The following GLI2 variants were observed in gnomAD, a reference collection of about 807,000 sequenced individuals.
The protein encoded by GLI2 is transcription activator GLI2.
A neutral mutation model predicts 78.9 loss-of-function variants in GLI2; 22 were observed. That is an observed-to-expected ratio of 0.28 (90% CI 0.20 to 0.40). The LOEUF is 0.40. GLI2 is among the 10% of genes least tolerant of loss of function. The pLI is 1.00. For missense variants in GLI2, 2,097 were observed against 2,213.2 expected, an observed-to-expected ratio of 0.95 and a Z score of 1.05; for synonymous variants, 974 against 963.7, an observed-to-expected ratio of 1.01 and a Z score of -0.20.
intron 1 of GLI2, among the ~76,000 whole-genome samples, chr2:120,768,586 C>T (rs1683435465): frequency 6.6e-6 from 1 of 152,224 alleles, no homozygotes; most frequent in Non-Finnish European, 1.5e-5. Context: ...CACTCTGCGA[C>T]CCTCTGAGCT....
chr2:120,924,081 C>A (rs1413235097), intron 2 of GLI2, among the ~76,000 whole-genome samples: 2 of 152,026 alleles, frequency 1.3e-5, no homozygotes, highest in Non-Finnish European at 2.9e-5. Context: ...CATTAGGAGA[C>A]CCCCCCTCAG....
At chr2:120,816,192 C>CTT (rs3053837) in intron 2 of GLI2, among the ~76,000 whole-genome samples, 4,424 of 134,854 alleles carry the variant, frequency 0.033, 169 homozygotes, top group South Asian at 0.055. Flanking sequence ...CCCCAAAGAG[C>CTT]TTTTTTTTTT....
intron 5 of GLI2, 101 bp downstream of exon 5, chr2:120,955,531 G>A: frequency 2.5e-6 from 2 of 793,630 alleles, no homozygotes; most frequent in South Asian, 3.6e-5. Context: ...GACCCTTAAG[G>A]AGAGGTCGGG....
At chr2:120,779,410 G>A (rs899515629) in intron 1 of GLI2, among the ~76,000 whole-genome samples, 1 of 152,198 alleles carries the variant, frequency 6.6e-6, no homozygotes, top group Non-Finnish European at 1.5e-5. Context: ...GGCCTAACAG[G>A]CAACTGAGGA....
At chr2:120,740,437 TA>T (rs5833850) in intron 1 of GLI2, among the ~76,000 whole-genome samples, 1,795 of 147,600 alleles carry the variant, frequency 0.012, 37 homozygotes, top group African/African-American at 0.038. Flanking sequence ...GTGTGTTGTT[TA>T]AAAAAAAAAA....
intron 2 of GLI2, among the ~76,000 whole-genome samples, chr2:120,820,704 T>A (rs933255453): frequency 4.6e-5 from 7 of 152,200 alleles, no homozygotes; most frequent in Non-Finnish European, 8.8e-5. Context: ...TGGCAAAAAC[T>A]TCAGTGGAGA....
At chr2:120,794,966 CCAGGAGCTGA>C (rs1573386127) in intron 1 of GLI2, among the ~76,000 whole-genome samples, 3 of 152,138 alleles carry the variant, frequency 2.0e-5, no homozygotes, top group East Asian at 3.9e-4. Context: ...TGCAGATGAG[CCAGGAGCTGA>C]CAGGAGCTGT....
intron 1 of GLI2, among the ~76,000 whole-genome samples, chr2:120,756,577 T>C (rs973965547): frequency 2.0e-5 from 3 of 152,272 alleles, no homozygotes; most frequent in African/African-American, 4.8e-5. Context: ...CTTATTCTTA[T>C]CTTGTTTTTG....
rs141253111 is a variant in GLI2 at position 120,898,695 on chromosome 2, C to T, written c.149-28666C>T. Among the ~76,000 whole-genome samples the T allele has an allele frequency of 3.3e-3, 505 of 152,308 alleles. 5 individuals carry two copies. Among genetic ancestry groups the T allele is most frequent in the African/African-American group, 0.011 (475 of 41,556 alleles). ...TTGGTTTCTAGTCTCCTCTGGATGACATCACCAATCTGAAGTCCCTTGCTT... is the reference window on the plus strand; with the variant it reads ...TTGGTTTCTAGTCTCCTCTGGATGATATCACCAATCTGAAGTCCCTTGCTT... On this transcript the variant is annotated intron_variant, in intron 2 of 13. Transcript: ENST00000361492.
At chr2:120,807,093 CA>C (rs1684991278) in intron 2 of GLI2, among the ~76,000 whole-genome samples, 1 of 152,124 alleles carries the variant, frequency 6.6e-6, no homozygotes, top group South Asian at 2.1e-4. Flanking sequence ...GCACTCAGAT[CA>C]GGGGGCTGGG....
chr2:120,918,830 A>G (rs1249331375), intron 2 of GLI2, among the ~76,000 whole-genome samples: 3 of 152,218 alleles, frequency 2.0e-5, no homozygotes, highest in Non-Finnish European at 4.4e-5. Context: ...ATTACTTGCT[A>G]GCGAATGACA....
At chr2:120,938,859 G>A (rs1024991614) in intron 3 of GLI2, among the ~76,000 whole-genome samples, 5 of 152,114 alleles carry the variant, frequency 3.3e-5, no homozygotes, top group Admixed American at 1.3e-4. Context: ...CCCCACCAGC[G>A]CCAGCCCTGT....
rs777267988 is a variant in GLI2 at position 120,989,231 on chromosome 2, G to A, written c.3266G>A (p.Gly1089Asp). ...AGACTACCCAGCCCGGGGCTGCACG[G>A]CCAGCGCAGGATGGTGGCTGCGGAC... ...NPRLPSPGLHGQRRMVAADSN... is the reference protein window; with the variant it reads ...NPRLPSPGLHDQRRMVAADSN... The change falls in exon 14 of 14, where the codon GGC becomes GAC. Residue 1089 changes from glycine to aspartate, a missense_variant. Coordinates refer to ENST00000361492, the MANE Select transcript of GLI2 (RefSeq NM_001374353.1). The A allele has an allele frequency of 8.1e-6, 13 of 1,613,176 alleles. No homozygotes were observed. The highest frequency in any genetic ancestry group is 1.3e-5 in the African/African-American group (1 of 75,070).
At chr2:120,967,141 A>G (rs1681896191) in intron 5 of GLI2, among the ~76,000 whole-genome samples, 3 of 152,200 alleles carry the variant, frequency 2.0e-5, no homozygotes, top group Admixed American at 2.0e-4. Flanking sequence ...TTTATGGGCA[A>G]CACCACCAGC....
At chr2:120,863,152 G>A (rs1381903779) in intron 2 of GLI2, among the ~76,000 whole-genome samples, 1 of 152,204 alleles carries the variant, frequency 6.6e-6, no homozygotes, top group Middle Eastern at 3.2e-3. Flanking sequence ...ACCAATGAGA[G>A]GACAACATGC....
chr2:120,851,619 G>A (rs1230674618), intron 2 of GLI2, among the ~76,000 whole-genome samples: 2 of 152,236 alleles, frequency 1.3e-5, no homozygotes, highest in Non-Finnish European at 2.9e-5. Flanking sequence ...GTAGCTCCAG[G>A]CAGACTGAAA....
chr2:120,861,989 C>A (rs990538608), intron 2 of GLI2, among the ~76,000 whole-genome samples: 1 of 152,156 alleles, frequency 6.6e-6, no homozygotes, highest in African/African-American at 2.4e-5. Flanking sequence ...GTGAACCACC[C>A]CAGATGGGGA....
In GLI2 at chr2:120,991,242, C is replaced by G. The variant is rs1683283899; in HGVS notation, c.*567C>G. The G allele has an allele frequency of 1.3e-5, 2 of 153,116 alleles. No homozygotes were observed. The highest frequency in any genetic ancestry group is 2.9e-5 in the Non-Finnish European group (2 of 68,740). The allele number at this position is 153,116 out of a possible 1,614,324, so 9.5% of individuals were successfully genotyped here. On this transcript the variant is annotated 3_prime_UTR_variant, in exon 14 of 14. Coordinates refer to ENST00000361492, the MANE Select transcript of GLI2 (RefSeq NM_001374353.1). ...ATTATACCTGGATGATTCAGGAGCA[C>G]ATTCTGATTCCAGGTTTGGTAGAGC...
chr2:120,988,896 C>A lies in GLI2; in HGVS notation c.2931C>A (p.Asn977Lys), dbSNP rs1438576682. 13 of 1,507,666 alleles carry A rather than the reference C, an allele frequency of 8.6e-6. No individual in the cohort carries two copies. Among genetic ancestry groups the A allele is most frequent in the African/African-American group, 1.4e-5 (1 of 70,640 alleles). The allele number at this position is 1,507,666 out of a possible 1,614,324, so 93.4% of individuals were successfully genotyped here. Reference sequence around the variant, plus strand: ...GCTTCCACAGCACCCACAACGTGAACCCCGGCCCGCTGCCGCCCTGTGCCG... The same window carrying A: ...GCTTCCACAGCACCCACAACGTGAAACCCGGCCCGCTGCCGCCCTGTGCCG... ...VQRFHSTHNV[N>K]PGPLPPCADR... is the part of the protein sequence containing the mutation. Residue 977 changes from asparagine to lysine, a missense_variant, in exon 14 of 14, where the codon AAC becomes AAA. By Grantham distance (94) the Asn-to-Lys change is moderately conservative. Around this residue, in one of 5 missense-constraint regions of GLI2, gnomAD observed 1,290 missense variants for 1,261.7 expected, o/e 1.02. Transcript: ENST00000361492.
Sources: allele counts gnomAD v4.1 joint callset (sites outside exome capture counted in the v4.1 genomes callset), GRCh38; gene constraint gnomAD v4.1.1; regional missense constraint gnomAD v4.1.1; transcripts MANE v1.5; gene names NCBI Gene and HGNC (gene_info 2026-07-23, HGNC 2026-07-21).